The following RBFOX1 variants were observed in gnomAD, a reference collection of about 807,000 sequenced individuals.
The protein encoded by RBFOX1 is RNA binding fox-1 homolog 1, also known as RNA binding protein fox-1 homolog 1.
A neutral mutation model predicts 57.7 loss-of-function variants in RBFOX1; 8 were observed. That is an observed-to-expected ratio of 0.14 (90% CI 0.08 to 0.25). The LOEUF (loss-of-function observed/expected upper bound fraction) is 0.25. Among genes scored for constraint, RBFOX1 ranks in the 10% least tolerant of loss-of-function variants. RBFOX1 has a pLI of 1.00. For synonymous variants in RBFOX1, 326 were observed against 222.4 expected, an observed-to-expected ratio of 1.47 and a Z score of -4.15; for missense variants, 611 against 548.5, an observed-to-expected ratio of 1.11 and a Z score of -1.14.
intron 3 of RBFOX1, among the ~76,000 whole-genome samples, chr16:5,763,971 C>T (rs576306136): frequency 6.6e-6 from 1 of 152,156 alleles, no homozygotes; most frequent in Admixed American, 6.5e-5. Flanking sequence ...CGTCTATCTC[C>T]TATGCTAGAA....
At chr16:7,174,274 T>A (rs542972075) in intron 4 of RBFOX1, among the ~76,000 whole-genome samples, 66 of 152,316 alleles carry the variant, frequency 4.3e-4, no homozygotes, top group African/African-American at 1.6e-3. Context: ...TTGAGTAATA[T>A]TCCATGGTAT....
chr16:7,253,120 A>G (rs907057129), intron 4 of RBFOX1, among the ~76,000 whole-genome samples: 1 of 152,152 alleles, frequency 6.6e-6, no homozygotes, highest in African/African-American at 2.4e-5. Context: ...TATCTAGGTC[A>G]ATCTGTTTGC....
intron 3 of RBFOX1, among the ~76,000 whole-genome samples, chr16:6,926,617 C>G (rs540294833): frequency 6.6e-6 from 1 of 152,264 alleles, no homozygotes; most frequent in South Asian, 2.1e-4. Flanking sequence ...TGTCTCCTCC[C>G]TTTGTCTTGA....
chr16:6,394,628 T>G (rs547882379), intron 2 of RBFOX1, among the ~76,000 whole-genome samples: 31 of 151,632 alleles, frequency 2.0e-4, no homozygotes, highest in Non-Finnish European at 4.4e-4. Context: ...CAACTAGGTA[T>G]CTAATATATA....
chr16:6,746,554 G>A (rs1364660453), intron 3 of RBFOX1, among the ~76,000 whole-genome samples: 3 of 151,968 alleles, frequency 2.0e-5, no homozygotes, highest in East Asian at 1.9e-4. Context: ...GCACATGTCT[G>A]CAGTCCCTAG....
intron 3 of RBFOX1, among the ~76,000 whole-genome samples, chr16:6,934,461 C>T (rs528383322): frequency 6.6e-6 from 1 of 152,234 alleles, no homozygotes; most frequent in East Asian, 1.9e-4. Flanking sequence ...ATAGCCAAGA[C>T]ATGGAATCAA....
intron 3 of RBFOX1, among the ~76,000 whole-genome samples, chr16:5,856,229 G>GTA (rs1336036184): frequency 0.019 from 1,019 of 55,024 alleles, 49 homozygotes; most frequent in East Asian, 0.05. Flanking sequence ...ATATATATAT[G>GTA]TATATATATG....
At chr16:6,771,002 G>C (rs1210414713) in intron 3 of RBFOX1, among the ~76,000 whole-genome samples, 1 of 152,122 alleles carries the variant, frequency 6.6e-6, no homozygotes, top group Non-Finnish European at 1.5e-5. Context: ...CTCAGAATGT[G>C]AGTCTGTTTG....
chr16:5,332,601 CAAAT>C (rs143340164), intron 1 of RBFOX1, among the ~76,000 whole-genome samples: 2,711 of 150,790 alleles, frequency 0.018, 77 homozygotes, highest in African/African-American at 0.062. Flanking sequence ...TTTTAAGATT[CAAAT>C]AAATATATAT....
intron 3 of RBFOX1, among the ~76,000 whole-genome samples, chr16:6,760,065 C>T (rs1008259566): frequency 3.3e-5 from 5 of 151,848 alleles, no homozygotes; most frequent in African/African-American, 4.8e-5. Context: ...GCATATGGCT[C>T]GGGGAGTCCA....
At chr16:7,411,902 C>CAAA (rs60700135) in intron 4 of RBFOX1, among the ~76,000 whole-genome samples, 4 of 95,394 alleles carry the variant, frequency 4.2e-5, no homozygotes, top group African/African-American at 4.2e-5. Flanking sequence ...AAACTCCTTT[C>CAAA]AAAAAAAAAA....
intron 3 of RBFOX1, among the ~76,000 whole-genome samples, chr16:6,701,006 A>G (rs1282786603): frequency 6.6e-6 from 1 of 151,096 alleles, no homozygotes; most frequent in Non-Finnish European, 1.5e-5. Context: ...TACCAGTAAA[A>G]GAAAGGAGTA....
intron 2 of RBFOX1, among the ~76,000 whole-genome samples, chr16:6,566,551 A>G (rs1877973230): frequency 6.6e-6 from 1 of 152,016 alleles, no homozygotes; most frequent in African/African-American, 2.4e-5. Context: ...TTATCCCTTG[A>G]CTATTTGTCG....
intron 3 of RBFOX1, among the ~76,000 whole-genome samples, chr16:5,789,933 G>A (rs558037059): frequency 6.6e-5 from 10 of 152,224 alleles, no homozygotes; most frequent in African/African-American, 2.4e-4. Context: ...TGCTAGCTGC[G>A]GCAATGGTGG....
At chr16:6,288,853 G>A (rs1174785576) in intron 1 of RBFOX1, among the ~76,000 whole-genome samples, 1 of 152,016 alleles carries the variant, frequency 6.6e-6, no homozygotes, top group Non-Finnish European at 1.5e-5. Context: ...GAATAGGGTT[G>A]GAATTCTGGA....
At chr16:7,232,019 C>T (rs1356956351) in intron 4 of RBFOX1, among the ~76,000 whole-genome samples, 1 of 152,004 alleles carries the variant, frequency 6.6e-6, no homozygotes, top group African/African-American at 2.4e-5. Flanking sequence ...AACAAAATGC[C>T]ACTGAATTGT....
intron 4 of RBFOX1, among the ~76,000 whole-genome samples, chr16:7,076,291 C>G (rs1400935646): frequency 6.6e-6 from 1 of 151,970 alleles, no homozygotes; most frequent in Non-Finnish European, 1.5e-5. Context: ...CTTGGCCTCT[C>G]AAAGTGCTGG....
intron 3 of RBFOX1, among the ~76,000 whole-genome samples, chr16:6,972,336 A>G (rs776028353): frequency 1.2e-4 from 18 of 152,100 alleles, no homozygotes; most frequent in Non-Finnish European, 2.6e-4. Flanking sequence ...TATCGGTGGA[A>G]TTATACAGCG....
At chr16:5,987,075 G>C (rs1179469466) in intron 4 of RBFOX1, among the ~76,000 whole-genome samples, 1 of 152,118 alleles carries the variant, frequency 6.6e-6, no homozygotes, top group Non-Finnish European at 1.5e-5. Flanking sequence ...ATTCTTACAG[G>C]TTGTAGTGAT....
Sources: allele counts gnomAD v4.1 joint callset (sites outside exome capture counted in the v4.1 genomes callset), GRCh38; gene constraint gnomAD v4.1.1; transcripts MANE v1.5; gene names NCBI Gene and HGNC (gene_info 2026-07-23, HGNC 2026-07-21).